TRIM49: variants seen among roughly 807,000 people sequenced by gnomAD.
TRIM49 encodes the protein tripartite motif-containing protein 49.
A neutral mutation model predicts 27.4 loss-of-function variants in TRIM49; 5 were observed. The observed-to-expected ratio is 0.18, with a 90% CI of 0.10 to 0.38. TRIM49 has a LOEUF of 0.38. Among genes scored for constraint, TRIM49 ranks in the 10% least tolerant of loss-of-function variants. The probability of loss-of-function intolerance (pLI) is 1.00; values close to 1 mark genes in which losing one functional copy is unlikely to be tolerated. For synonymous variants in TRIM49, 69 were observed against 166.0 expected, an observed-to-expected ratio of 0.42 and a Z score of 4.49; for missense variants, 188 against 487.5, an observed-to-expected ratio of 0.39 and a Z score of 5.79.
chr11:89,801,105 T>A (rs770524996), intron 5 of TRIM49, 117 bp from the exon 6 acceptor site: 10 of 1,486,940 alleles, frequency 6.7e-6, no homozygotes, highest in Non-Finnish European at 9.1e-6. Context: ...CCATCTTCTC[T>A]TCTGGAAAGT....
chr11:89,768,789 C>T, the TRIM49 span: 5 of 505,620 alleles, frequency 9.9e-6, 1 homozygote, highest in Non-Finnish European at 2.0e-5. Flanking sequence ...TGTGCTCCAG[C>T]TTGCATTGAT....
the TRIM49 span, among the ~76,000 whole-genome samples, chr11:89,772,393 A>G: frequency 2.3e-5 from 3 of 128,810 alleles, 1 homozygote; most frequent in Non-Finnish European, 4.6e-5. Context: ...CACCCCAACC[A>G]CCATGGTGTT....
the TRIM49 span, among the ~76,000 whole-genome samples, chr11:89,780,048 T>C: frequency 1.2e-5 from 1 of 84,560 alleles, no homozygotes; most frequent in Non-Finnish European, 2.5e-5. Context: ...TCTAGAGGGG[T>C]GGGAGGTTAA....
chr11:89,774,329 T>A, the TRIM49 span, among the ~76,000 whole-genome samples: 1 of 151,084 alleles, frequency 6.6e-6, no homozygotes, highest in Admixed American at 6.6e-5. Context: ...TTGAATAAAC[T>A]GTGTTAAGTC....
chr11:89,776,967 T>A, the TRIM49 span: 38 of 1,507,358 alleles, frequency 2.5e-5, no homozygotes, highest in East Asian at 2.7e-4. Context: ...TTTTTTTTTT[T>A]AATTTTCAGA....
At chr11:89,794,569 T>A (rs1229529537), downstream of TRIM49, among the ~76,000 whole-genome samples, 1 of 150,462 alleles carries the variant, frequency 6.6e-6, no homozygotes, top group Non-Finnish European at 1.5e-5. Flanking sequence ...AACAGAGCCC[T>A]CAGAAATAAT....
chr11:89,800,374 C>T (rs1285042500), intron 6 of TRIM49, among the ~76,000 whole-genome samples: 1 of 151,658 alleles, frequency 6.6e-6, no homozygotes, highest in Admixed American at 6.5e-5. Context: ...CTCTTCTCTC[C>T]TGCTTCCTCT....
chr11:89,793,889 G>A (rs1228449360), downstream of TRIM49, among the ~76,000 whole-genome samples: 1 of 151,826 alleles, frequency 6.6e-6, no homozygotes, highest in Non-Finnish European at 1.5e-5. Context: ...TCTGGCCAGG[G>A]CAATCAGGCA....
chr11:89,789,400 C>T, the TRIM49 span: 1 of 121,520 alleles, frequency 8.2e-6, no homozygotes, highest in Middle Eastern at 3.6e-3. Flanking sequence ...AGGACCCAGC[C>T]AGGCAGTGCC....
downstream of TRIM49, among the ~76,000 whole-genome samples, chr11:89,793,920 T>C (rs75675734): frequency 0.021 from 3,195 of 151,212 alleles, 43 homozygotes; most frequent in East Asian, 0.058. Flanking sequence ...ATAAAGGGTA[T>C]TCAATTAGGA....
At chr11:89,798,663 A>G in intron 7 of TRIM49, 34 bp from the exon 8 acceptor site, 1 of 1,481,878 alleles carries the variant, frequency 6.7e-7, no homozygotes, top group Non-Finnish European at 8.8e-7. Context: ...ACATGCATAG[A>G]CATGTGTAAA....
the TRIM49 span, chr11:89,786,751 A>T: frequency 1.4e-5 from 2 of 138,796 alleles, no homozygotes; most frequent in South Asian, 4.4e-4. Context: ...CGTCAGACGG[A>T]CACAGAGGCA....
the TRIM49 span, among the ~76,000 whole-genome samples, chr11:89,780,129 A>G: frequency 9.0e-6 from 1 of 111,664 alleles, no homozygotes; most frequent in Non-Finnish European, 2.0e-5. Context: ...TTTTGCTCCT[A>G]AAAGCATCAA....
chr11:89,787,954 G>A, the TRIM49 span: 1 of 309,472 alleles, frequency 3.2e-6, no homozygotes, highest in Non-Finnish European at 6.0e-6. Context: ...GTCTCTCTAG[G>A]ATGCTCCCAG....
chr11:89,768,880 T>C, the TRIM49 span: 1 of 498,636 alleles, frequency 2.0e-6, no homozygotes, highest in Non-Finnish European at 4.0e-6. Context: ...ACGACTCCTT[T>C]AGAAAGTTGT....
the TRIM49 span, chr11:89,777,046 C>A: frequency 6.5e-7 from 1 of 1,549,314 alleles, no homozygotes; most frequent in Non-Finnish European, 8.7e-7. Context: ...TGAACTACTT[C>A]ATAGACCGGT....
At chr11:89,791,658 A>G in the TRIM49 span, among the ~76,000 whole-genome samples, 1 of 151,832 alleles carries the variant, frequency 6.6e-6, no homozygotes. Flanking sequence ...TCATAAGTGA[A>G]GGAGAAATAA....
At chr11:89,805,231 T>C (rs1949779805) in intron 2 of TRIM49, among the ~76,000 whole-genome samples, 1 of 150,832 alleles carries the variant, frequency 6.6e-6, no homozygotes, top group Non-Finnish European at 1.5e-5. Context: ...AACTAACATA[T>C]AGGAGGTTTT....
the TRIM49 span, among the ~76,000 whole-genome samples, chr11:89,790,568 A>G: frequency 2.0e-5 from 3 of 152,128 alleles, no homozygotes; most frequent in East Asian, 5.8e-4. Context: ...AGGAACGATC[A>G]GGCAGCAACA....
Sources: allele counts gnomAD v4.1 joint callset (sites outside exome capture counted in the v4.1 genomes callset), GRCh38; gene constraint gnomAD v4.1.1; transcripts MANE v1.5; gene names NCBI Gene and HGNC (gene_info 2026-07-23, HGNC 2026-07-21).